ZDHHC3: variants seen among roughly 807,000 people sequenced by gnomAD.
The protein encoded by ZDHHC3 is zDHHC palmitoyltransferase 3, also known as palmitoyltransferase ZDHHC3.
A neutral mutation model predicts 30.6 loss-of-function variants in ZDHHC3; 9 were observed. The observed-to-expected ratio is 0.29, with a 90% CI of 0.18 to 0.51. ZDHHC3 has a LOEUF of 0.51. Ranked by LOEUF, ZDHHC3 falls within the 20% of genes least tolerant of loss-of-function variation. ZDHHC3 has a pLI of 0.97. For synonymous variants in ZDHHC3, 136 were observed against 140.2 expected (o/e 0.97, Z 0.21); for missense variants, 246 against 384.2 (o/e 0.64, Z 3.01).
chr3:44,930,903 C>A (rs1701434688), intron 5 of ZDHHC3, among the ~76,000 whole-genome samples: 1 of 152,106 alleles, frequency 6.6e-6, no homozygotes, highest in East Asian at 1.9e-4. Flanking sequence ...CTGGCAGACA[C>A]CACGAGGTAC....
At chr3:44,969,206 G>A (rs918070225) in intron 1 of ZDHHC3, among the ~76,000 whole-genome samples, 1 of 152,120 alleles carries the variant, frequency 6.6e-6, no homozygotes, top group African/African-American at 2.4e-5. Context: ...CTCTGTGAGG[G>A]TAGGCTCCAG....
chr3:44,971,516 A>G (rs1338636792), intron 1 of ZDHHC3, among the ~76,000 whole-genome samples: 1 of 152,228 alleles, frequency 6.6e-6, no homozygotes, highest in Non-Finnish European at 1.5e-5. Flanking sequence ...GCATGGCATG[A>G]GCCTCATTTT....
chr3:44,922,276 C>G lies in ZDHHC3; in HGVS notation c.*4413G>C. 1 of 985,428 alleles carries G rather than the reference C, an allele frequency of 1.0e-6. No homozygotes were observed. The highest frequency in any genetic ancestry group is 1.2e-6 in the Non-Finnish European group (1 of 829,930). The allele number at this position is 985,428 out of a possible 1,614,324, so 61.0% of individuals were successfully genotyped here. On this transcript the variant is annotated 3_prime_UTR_variant, in exon 7 of 7. Coordinates refer to ENST00000424952, the MANE Select transcript of ZDHHC3 (RefSeq NM_001135179.2). ...GTCATGTATCCAGGCTGCTACAATGCCCCTGGCTCTAGACTACTCACCGGC... is the reference window on the plus strand; with the variant it reads ...GTCATGTATCCAGGCTGCTACAATGGCCCTGGCTCTAGACTACTCACCGGC...
chr3:44,950,086 T>C (rs1358793066), intron 2 of ZDHHC3, among the ~76,000 whole-genome samples: 2 of 152,206 alleles, frequency 1.3e-5, no homozygotes, highest in Non-Finnish European at 2.9e-5. Flanking sequence ...CCTCCTGCCT[T>C]GGCCTTCTGA....
At chr3:44,936,792 T>C (rs1478236015) in intron 3 of ZDHHC3, among the ~76,000 whole-genome samples, 1 of 152,000 alleles carries the variant, frequency 6.6e-6, no homozygotes, top group Non-Finnish European at 1.5e-5. Flanking sequence ...GATGAAATAA[T>C]ATGTACAACA....
At position 44,921,247 on chromosome 3, in the gene ZDHHC3, A is replaced by G; in HGVS notation, c.*5442T>C. On this transcript the variant is annotated 3_prime_UTR_variant, in exon 7 of 7. Transcript: ENST00000424952. ...CTCCCGAGGAAGGAAGAGTCTGTGC[A>G]GAACAGACTCAGCTGAGCCCCACAG... 1 of 985,396 alleles carries G rather than the reference A, an allele frequency of 1.0e-6. No homozygotes were observed. The highest frequency in any genetic ancestry group is 1.2e-6 in the Non-Finnish European group (1 of 829,912). 61.0% of individuals were successfully genotyped at this position (985,396 alleles called of 1,614,324 possible).
intron 3 of ZDHHC3, among the ~76,000 whole-genome samples, chr3:44,934,205 C>G (rs966132457): frequency 3.3e-5 from 5 of 152,134 alleles, no homozygotes; most frequent in African/African-American, 1.2e-4. Flanking sequence ...TTCTCCAAAG[C>G]CCCTTAGCTT....
chr3:44,941,334 G>A (rs1702422703), intron 3 of ZDHHC3, among the ~76,000 whole-genome samples: 1 of 152,144 alleles, frequency 6.6e-6, no homozygotes, highest in African/African-American at 2.4e-5. Flanking sequence ...GCAGTGGAGT[G>A]GAAAGAACAG....
chr3:44,970,214 G>C (rs1705297524), intron 1 of ZDHHC3, among the ~76,000 whole-genome samples: 1 of 152,228 alleles, frequency 6.6e-6, no homozygotes, highest in South Asian at 2.1e-4. Context: ...AAGTGGCAGT[G>C]CAAGAGCAGA....
intron 2 of ZDHHC3, chr3:44,958,788 G>T: frequency 9.9e-7 from 1 of 1,009,784 alleles, no homozygotes; most frequent in Non-Finnish European, 1.4e-6. Flanking sequence ...TTTCTGCTCT[G>T]ATCATCTGGC....
rs564243683 is a variant in ZDHHC3, at chr3:44,925,285, C to G, written c.*1404G>C. ...AAAATCACATGGCTAGATTAACTTT[C>G]GCCCTACCCAGGACAGGATTGAATA... On this transcript the variant is annotated 3_prime_UTR_variant, in exon 7 of 7. Transcript: ENST00000424952. The G allele has an allele frequency of 1.0e-6, 1 of 985,756 alleles. No individual in the cohort carries two copies. The highest frequency in any genetic ancestry group is 1.2e-6 in the Non-Finnish European group (1 of 829,942). 61.1% of individuals were successfully genotyped at this position (985,756 alleles called of 1,614,324 possible). A position where few individuals can be genotyped will look rare whatever the true frequency, so the allele number is the denominator to read the frequency against.
In ZDHHC3 at chr3:44,922,780, T is replaced by A. The variant is rs114028843; in HGVS notation, c.*3909A>T. On this transcript the variant is annotated 3_prime_UTR_variant, in exon 7 of 7. Transcript: ENST00000424952. ...CTGGGGTGGGGACCGAGAATGTGCA[T>A]TTCTAACAAGTTCTCAGGTGATGCT... 6.5e-4 allele frequency: 642 copies of A among 985,126 alleles called. 3 individuals are homozygous for A. In the African/African-American group the frequency reaches 0.011, roughly 16 times the overall value. 61.0% of individuals were successfully genotyped at this position (985,126 alleles called of 1,614,324 possible). A position where few individuals can be genotyped will look rare whatever the true frequency, so the allele number is the denominator to read the frequency against.
chr3:44,936,063 G>A (rs1365145159), intron 3 of ZDHHC3, among the ~76,000 whole-genome samples: 1 of 152,278 alleles, frequency 6.6e-6, no homozygotes, highest in Non-Finnish European at 1.5e-5. Context: ...TATCAACAGA[G>A]TAAACAGACA....
chr3:44,957,208 G>A (rs1704027459), intron 2 of ZDHHC3, among the ~76,000 whole-genome samples: 1 of 152,088 alleles, frequency 6.6e-6, no homozygotes, highest in Non-Finnish European at 1.5e-5. Context: ...TTGTCTTATT[G>A]TCTTTAAAGC....
intron 5 of ZDHHC3, among the ~76,000 whole-genome samples, chr3:44,931,451 C>T (rs760355773): frequency 1.3e-5 from 2 of 152,176 alleles, no homozygotes; most frequent in Non-Finnish European, 2.9e-5. Flanking sequence ...TGTGGAACCA[C>T]CTCCCTACCC....
rs1700972631 is a variant in ZDHHC3, at chr3:44,926,187, C to T, written c.*502G>A. 3 of 985,790 alleles carry T rather than the reference C, an allele frequency of 3.0e-6. No individual in the cohort carries two copies. The highest frequency in any genetic ancestry group is 3.6e-6 in the Non-Finnish European group (3 of 830,132). The allele number at this position is 985,790 out of a possible 1,614,324, so 61.1% of individuals were successfully genotyped here. On this transcript the variant is annotated 3_prime_UTR_variant, in exon 7 of 7. Transcript: ENST00000424952. ...GTGCCAAGGTCCCTTCTGATCCTGC[C>T]CTTCTCAGGCCTCAAGGGGTAAGCA...
At chr3:44,969,438 C>A (rs1319225733) in intron 1 of ZDHHC3, among the ~76,000 whole-genome samples, 1 of 152,198 alleles carries the variant, frequency 6.6e-6, no homozygotes, top group Non-Finnish European at 1.5e-5. Flanking sequence ...TGAAGCATGC[C>A]TACAACCATA....
intron 3 of ZDHHC3, among the ~76,000 whole-genome samples, chr3:44,934,232 G>A (rs970286915): frequency 2.0e-5 from 3 of 152,088 alleles, no homozygotes; most frequent in African/African-American, 7.2e-5. Flanking sequence ...TACATAGGAC[G>A]GAACTGACAT....
rs563220841 is a variant in ZDHHC3, at chr3:44,916,133, A to G, written c.*10556T>C. On this transcript the variant is annotated 3_prime_UTR_variant, in exon 7 of 7. Coordinates refer to ENST00000424952, the MANE Select transcript of ZDHHC3 (RefSeq NM_001135179.2). ...CTGCAGCCTGAGTGTGGGAGGCCCA[A>G]TGTCTTTCTGGTTGCTCTGTTGATG... 1.6e-4 allele frequency: 24 copies of G among 152,264 alleles called. No individual in the cohort carries two copies. Among genetic ancestry groups the G allele is most frequent in the African/African-American group, 5.8e-4 (24 of 41,548 alleles). 9.4% of individuals were successfully genotyped at this position (152,264 alleles called of 1,614,324 possible). A position where few individuals can be genotyped will look rare whatever the true frequency, so the allele number is the denominator to read the frequency against.
Sources: allele counts gnomAD v4.1 joint callset (sites outside exome capture counted in the v4.1 genomes callset), GRCh38; gene constraint gnomAD v4.1.1; transcripts MANE v1.5; gene names NCBI Gene and HGNC (gene_info 2026-07-23, HGNC 2026-07-21).